The following NKAIN3 variants were observed in gnomAD, a reference collection of about 807,000 sequenced individuals.
The protein encoded by NKAIN3 is sodium/potassium-transporting ATPase subunit beta-1-interacting protein 3.
NKAIN3 carries 25 observed loss-of-function variants against 30.2 expected under a neutral mutation model. The observed-to-expected ratio is 0.83, with a 90% CI of 0.60 to 1.16. The LOEUF is 1.16. Among genes scored for constraint, NKAIN3 ranks in the 50% most tolerant of loss-of-function variants. NKAIN3 has a pLI of 0.00. For missense variants in NKAIN3, 225 were observed against 254.1 expected, an observed-to-expected ratio of 0.89 and a Z score of 0.78; for synonymous variants, 91 against 89.6, an observed-to-expected ratio of 1.02 and a Z score of -0.09.
At chr8:62,536,957 A>G (rs1014919075) in intron 1 of NKAIN3, among the ~76,000 whole-genome samples, 6 of 152,144 alleles carry the variant, frequency 3.9e-5, no homozygotes, top group South Asian at 2.1e-4. Flanking sequence ...AGGAGAGAAA[A>G]GACAGCCACA....
At chr8:62,351,076 ATAG>A (rs200781194) in intron 1 of NKAIN3, among the ~76,000 whole-genome samples, 5,972 of 149,556 alleles carry the variant, frequency 0.04, 423 homozygotes, top group African/African-American at 0.14. Flanking sequence ...TAAAATGTAA[ATAG>A]TATATATAAT....
chr8:62,953,154 C>T lies in NKAIN3; in HGVS notation c.533-748C>T, dbSNP rs868695640. Reference sequence around the variant, plus strand: ...TTACACACAAACACACACACACACACTCCTGAGAGTTCAGTTTTCCTACAT... The same window carrying T: ...TTACACACAAACACACACACACACATTCCTGAGAGTTCAGTTTTCCTACAT... On this transcript the variant is annotated intron_variant, in intron 5 of 6. Transcript: ENST00000623646. Among the ~76,000 whole-genome samples the T allele has an allele frequency of 4.6e-5, 7 of 152,058 alleles. No individual in the cohort carries two copies. The South Asian group carries it at 1.4e-3, about 31-fold the overall frequency.
At chr8:62,848,925 T>C (rs1456551027) in intron 4 of NKAIN3, among the ~76,000 whole-genome samples, 1 of 152,074 alleles carries the variant, frequency 6.6e-6, no homozygotes, top group African/African-American at 2.4e-5. Flanking sequence ...GATAATCATG[T>C]GGTTTTTGTC....
chr8:62,321,472 G>A (rs191788689), intron 1 of NKAIN3, among the ~76,000 whole-genome samples: 211 of 152,158 alleles, frequency 1.4e-3, no homozygotes, highest in African/African-American at 4.8e-3. Flanking sequence ...ATCTACCTTT[G>A]GTCTTTGATG....
At chr8:62,538,717 GT>G (rs1162390886) in intron 1 of NKAIN3, among the ~76,000 whole-genome samples, 2 of 152,150 alleles carry the variant, frequency 1.3e-5, no homozygotes, top group African/African-American at 4.8e-5. Flanking sequence ...CGAATTTGCT[GT>G]TGGTCTCCGT....
intron 5 of NKAIN3, among the ~76,000 whole-genome samples, chr8:62,950,992 G>C (rs1462500754): frequency 7.8e-6 from 1 of 127,810 alleles, no homozygotes; most frequent in Non-Finnish European, 1.6e-5. Flanking sequence ...TAACTGTATG[G>C]TTAAATCTGT....
intron 1 of NKAIN3, among the ~76,000 whole-genome samples, chr8:62,394,129 T>G (rs1301880558): frequency 1.3e-5 from 2 of 152,206 alleles, no homozygotes; most frequent in African/African-American, 2.4e-5. Context: ...TTCTTTGCCT[T>G]TTTCCCAATT....
chr8:62,794,710 G>A (rs1159930515), intron 4 of NKAIN3, among the ~76,000 whole-genome samples: 1 of 152,092 alleles, frequency 6.6e-6, no homozygotes, highest in African/African-American at 2.4e-5. Flanking sequence ...CAGACTTCCT[G>A]GTAGTTGCCT....
intron 1 of NKAIN3, among the ~76,000 whole-genome samples, chr8:62,346,911 C>A (rs1171431053): frequency 6.6e-6 from 1 of 152,084 alleles, no homozygotes; most frequent in African/African-American, 2.4e-5. Flanking sequence ...CATAACATCC[C>A]CACTTTACCT....
chr8:62,853,167 G>A (rs1449168958), intron 4 of NKAIN3, among the ~76,000 whole-genome samples: 7 of 152,166 alleles, frequency 4.6e-5, no homozygotes, highest in African/African-American at 1.7e-4. Context: ...ATGTAGAATA[G>A]TTAGCTCTGC....
chr8:62,416,251 TC>T (rs1804441717), intron 1 of NKAIN3, among the ~76,000 whole-genome samples: 1 of 152,192 alleles, frequency 6.6e-6, no homozygotes, highest in Admixed American at 6.5e-5. Context: ...CTGTATTCAG[TC>T]AATATGTTTC....
At chr8:62,399,781 G>C (rs1001823004) in intron 1 of NKAIN3, among the ~76,000 whole-genome samples, 1 of 152,178 alleles carries the variant, frequency 6.6e-6, no homozygotes, top group Admixed American at 6.5e-5. Flanking sequence ...CCAGCTTTCA[G>C]TAAGTTCCAG....
Position 62,973,028 on chromosome 8 carries a change from T to G in NKAIN3, c.*7621T>G, listed in dbSNP as rs138143222. On this transcript the variant is annotated 3_prime_UTR_variant, in exon 7 of 7. Coordinates refer to ENST00000623646, the MANE Select transcript of NKAIN3 (RefSeq NM_001304533.3). Reference sequence around the variant, plus strand: ...CTCATTTTTTATGGCTGCATAGTATTCCATGGTGTATATGTGCCACATTTT... The same window carrying G: ...CTCATTTTTTATGGCTGCATAGTATGCCATGGTGTATATGTGCCACATTTT... Among the ~76,000 whole-genome samples, 5,792 of 152,282 alleles carry G rather than the reference T, an allele frequency of 0.038. 347 individuals are homozygous for G. Among genetic ancestry groups the G allele is most frequent in the African/African-American group, 0.13 (5,282 of 41,524 alleles).
intron 1 of NKAIN3, among the ~76,000 whole-genome samples, chr8:62,268,554 A>T (rs1359595752): frequency 1.1e-4 from 17 of 152,198 alleles, no homozygotes; most frequent in Non-Finnish European, 2.5e-4. Flanking sequence ...CACTGACAAT[A>T]TTTCAATAAG....
intron 1 of NKAIN3, among the ~76,000 whole-genome samples, chr8:62,513,797 A>G (rs1002714759): frequency 3.6e-4 from 48 of 134,084 alleles, no homozygotes; most frequent in African/African-American, 1.2e-3. Flanking sequence ...TTTGACCCCA[A>G]GAGGTCAAGG....
intron 5 of NKAIN3, among the ~76,000 whole-genome samples, chr8:62,934,727 C>T (rs1305754655): frequency 6.6e-6 from 1 of 152,108 alleles, no homozygotes; most frequent in Non-Finnish European, 1.5e-5. Flanking sequence ...TGGAAAAAGC[C>T]ACTTTGAGCA....
At chr8:62,472,113 C>T (rs1335094653) in intron 1 of NKAIN3, among the ~76,000 whole-genome samples, 1 of 151,842 alleles carries the variant, frequency 6.6e-6, no homozygotes. Context: ...CTCAGGAGTT[C>T]AGGGAGCTGA....
intron 1 of NKAIN3, among the ~76,000 whole-genome samples, chr8:62,291,068 TG>T (rs1436975212): frequency 6.6e-6 from 1 of 152,236 alleles, no homozygotes; most frequent in African/African-American, 2.4e-5. Flanking sequence ...TGTATTTCTG[TG>T]GGATCAGTGG....
chr8:62,619,698 T>TAAAA (rs111630029), intron 3 of NKAIN3, among the ~76,000 whole-genome samples: 4 of 141,850 alleles, frequency 2.8e-5, no homozygotes, highest in African/African-American at 1.0e-4. Flanking sequence ...TCAAATATTG[T>TAAAA]AAAAAAAAAA....
Sources: allele counts gnomAD v4.1 joint callset (sites outside exome capture counted in the v4.1 genomes callset), GRCh38; gene constraint gnomAD v4.1.1; transcripts MANE v1.5; gene names NCBI Gene and HGNC (gene_info 2026-07-23, HGNC 2026-07-21).